Variants in LGR5 observed in about 807,000 individuals in gnomAD.
The protein encoded by LGR5 is leucine-rich repeat-containing G protein-coupled receptor 5.
Under a neutral mutation model 76.7 loss-of-function variants are expected in LGR5, and 54 were observed. That is an observed-to-expected ratio of 0.70 (90% CI 0.57 to 0.88). The LOEUF (loss-of-function observed/expected upper bound fraction) is 0.88, where lower values mean the gene tolerates loss of function less well. Ranked by LOEUF, LGR5 falls within the 40% of genes least tolerant of loss-of-function variation. LGR5 has a pLI of 0.00. For missense variants in LGR5, 1,078 were observed against 1,073.3 expected, an observed-to-expected ratio of 1.00 and a Z score of -0.06; for synonymous variants, 406 against 421.9, an observed-to-expected ratio of 0.96 and a Z score of 0.46.
chr12:71,534,705 C>T (rs1031836841), intron 3 of LGR5, among the ~76,000 whole-genome samples: 3 of 152,166 alleles, frequency 2.0e-5, no homozygotes, highest in Non-Finnish European at 4.4e-5. Context: ...AAGCAAGCTC[C>T]CTCCAGCCTC....
At chr12:71,486,044 G>A (rs142923475) in intron 1 of LGR5, among the ~76,000 whole-genome samples, 35 of 152,276 alleles carry the variant, frequency 2.3e-4, no homozygotes, top group African/African-American at 6.0e-4. Context: ...GATTACAGGC[G>A]TGAGCCAGCA....
At chr12:71,459,626 A>T (rs1030197883) in intron 1 of LGR5, among the ~76,000 whole-genome samples, 14 of 152,128 alleles carry the variant, frequency 9.2e-5, no homozygotes, top group African/African-American at 3.4e-4. Context: ...AGAAACAAAG[A>T]TGAATTAAGG....
At chr12:71,570,416 C>T (rs1878553253) in intron 11 of LGR5, among the ~76,000 whole-genome samples, 1 of 152,102 alleles carries the variant, frequency 6.6e-6, no homozygotes, top group Non-Finnish European at 1.5e-5. Context: ...CTTTTGTTCC[C>T]TCTATTAAGA....
Position 71,578,975 on chromosome 12 carries a change from A to C in LGR5, c.1406+46A>C, listed in dbSNP as rs766403564. ...AATAAGATACATTTGTGGTCATGTG[A>C]AATAATAGATGTATTATAGTGGTGT... On this transcript the variant is annotated intron_variant, in intron 15 of 17. Coordinates refer to ENST00000266674, the MANE Select transcript of LGR5 (RefSeq NM_003667.4). 3.9e-6 allele frequency: 6 copies of C among 1,540,196 alleles called. No individual in the cohort carries two copies. In the African/African-American group the frequency reaches 8.3e-5, roughly 21 times the overall value.
rs1878083135 is a variant in LGR5, at chr12:71,561,974, C to T, written c.857+122C>T. Reference sequence around the variant, plus strand: ...GTCTTAGTCAATCTAAGAGTTCATACAGAAAGGTATATACACATGCATTTT... The same window carrying T: ...GTCTTAGTCAATCTAAGAGTTCATATAGAAAGGTATATACACATGCATTTT... On this transcript the variant is annotated intron_variant, in intron 8 of 17. Coordinates refer to ENST00000266674, the MANE Select transcript of LGR5 (RefSeq NM_003667.4). 3 of 600,898 alleles carry T rather than the reference C, an allele frequency of 5.0e-6. No individual in the cohort carries two copies. The South Asian group carries it at 8.1e-5, about 16-fold the overall frequency. The allele number at this position is 600,898 out of a possible 1,614,324, so 37.2% of individuals were successfully genotyped here.
At chr12:71,562,777 T>C (rs1210272228) in intron 8 of LGR5, among the ~76,000 whole-genome samples, 1 of 152,102 alleles carries the variant, frequency 6.6e-6, no homozygotes, top group Admixed American at 6.6e-5. Context: ...AGGACAACTG[T>C]TAAACATGAC....
intron 4 of LGR5, among the ~76,000 whole-genome samples, chr12:71,540,601 T>C (rs1876828045): frequency 6.6e-6 from 1 of 152,084 alleles, no homozygotes; most frequent in East Asian, 1.9e-4. Flanking sequence ...CATGGTAATC[T>C]TTTCCTTACA....
chr12:71,514,884 T>C (rs1294287744), intron 2 of LGR5, among the ~76,000 whole-genome samples: 2 of 152,190 alleles, frequency 1.3e-5, no homozygotes, highest in African/African-American at 2.4e-5. Context: ...TTTTGAAAAT[T>C]GCAATTTTTC....
Position 71,440,752 on chromosome 12 carries a change from A to G in LGR5, c.212+460A>G, listed in dbSNP as rs1028470829. 1.3e-5 allele frequency among the ~76,000 whole-genome samples: 2 copies of G among 152,228 alleles called. No homozygotes were observed. The highest frequency in any genetic ancestry group is 4.8e-5 in the African/African-American group (2 of 41,468). On this transcript the variant is annotated intron_variant, in intron 1 of 17. Coordinates refer to ENST00000266674, the MANE Select transcript of LGR5 (RefSeq NM_003667.4). The surrounding 1 kb of genome is among the most constrained non-coding windows in gnomAD (Gnocchi z 5.3). ...TCCCCAAAGGAGAAACAACTTGCCC[A>G]GCTCCAAAGGGTTTTTAGTCTGCAT... is the stretch of plus-strand genomic sequence containing the variant.
chr12:71,491,223 T>C (rs911196821), intron 1 of LGR5, among the ~76,000 whole-genome samples: 1 of 152,204 alleles, frequency 6.6e-6, no homozygotes, highest in Non-Finnish European at 1.5e-5. Flanking sequence ...TATTTCTTCA[T>C]AGCAGTGTGA....
At chr12:71,535,239 A>C in intron 4 of LGR5, 53 bp downstream of exon 4, 1 of 1,228,248 alleles carries the variant, frequency 8.1e-7, no homozygotes, top group Non-Finnish European at 1.2e-6. Context: ...GGGAAGAAGC[A>C]TTGAAATGTT....
intron 1 of LGR5, among the ~76,000 whole-genome samples, chr12:71,456,939 G>A (rs1872506435): frequency 6.6e-6 from 1 of 151,838 alleles, no homozygotes; most frequent in Non-Finnish European, 1.5e-5. Context: ...CCACTTTATT[G>A]AAACCCTAAA....
At chr12:71,494,124 T>C (rs1874207218) in intron 1 of LGR5, among the ~76,000 whole-genome samples, 1 of 150,662 alleles carries the variant, frequency 6.6e-6, no homozygotes, top group Non-Finnish European at 1.5e-5. Context: ...TTTATACTTT[T>C]TTTAGTAGAG....
intron 1 of LGR5, among the ~76,000 whole-genome samples, chr12:71,450,277 ATGT>A (rs1217915520): frequency 6.6e-6 from 1 of 152,178 alleles, no homozygotes; most frequent in Admixed American, 6.5e-5. Context: ...TTGTTTACAC[ATGT>A]TGTGTATGTC....
In LGR5 at chr12:71,584,008, G is replaced by A. The variant is rs1203294355; in HGVS notation, c.1998G>A (p.Val666=). Residue 666 remains valine (V), a synonymous_variant, in exon 18 of 18, where the codon GTG becomes GTA. Transcript: ENST00000266674. The part of the protein sequence containing the change: ...TLAALERGFS[V]KYSAKFETKA... ...CAGCCCTGGAGCGTGGGTTCTCTGT[G>A]AAATATTCTGCAAAATTTGAAACGA... The A allele has an allele frequency of 3.1e-6, 5 of 1,614,066 alleles. No homozygotes were observed. The highest frequency in any genetic ancestry group is 3.4e-6 in the Non-Finnish European group (4 of 1,180,046).
At chr12:71,464,905 A>G (rs1284129569) in intron 1 of LGR5, among the ~76,000 whole-genome samples, 1 of 152,162 alleles carries the variant, frequency 6.6e-6, no homozygotes, top group Non-Finnish European at 1.5e-5. Flanking sequence ...CTTCAGGATC[A>G]AACCTGCAGA....
At chr12:71,525,672 C>G (rs1221674048) in intron 3 of LGR5, among the ~76,000 whole-genome samples, 2 of 151,614 alleles carry the variant, frequency 1.3e-5, no homozygotes, top group Non-Finnish European at 2.9e-5. Context: ...TTACTAGAAT[C>G]AAGTATTTTA....
chr12:71,439,844 T>C lies in LGR5; in HGVS notation c.-237T>C, dbSNP rs1871666220. ...GAGCAGCAGCAAGGCGCACCGCCAC[T>C]GTCGCCGCTGCAGCCAGGGCTGCTC... is the stretch of plus-strand genomic sequence containing the variant. On this transcript the variant is annotated 5_prime_UTR_variant, in exon 1 of 18. Transcript: ENST00000266674. The C allele has an allele frequency of 2.0e-6, 1 of 495,544 alleles. No homozygotes were observed. The allele number at this position is 495,544 out of a possible 1,614,324, so 30.7% of individuals were successfully genotyped here.
intron 11 of LGR5, among the ~76,000 whole-genome samples, chr12:71,568,728 A>T (rs1797377): frequency 0.88 from 133,866 of 151,918 alleles, 60,948 homozygotes; most frequent in East Asian, 1. Context: ...CCAGAGCCTC[A>T]CCCCTAGTAC....
Sources: gnomAD v4.1 joint callset for allele counts (sites outside exome capture counted in the v4.1 genomes callset) on GRCh38, gnomAD v4.1.1 for gene constraint, Gnocchi (gnomAD v3.1) non-coding constraint, MANE v1.5 for transcripts, NCBI Gene and HGNC (gene_info 2026-07-23, HGNC 2026-07-21) for gene names.